BACH2: variants seen among roughly 807,000 people sequenced by gnomAD.
BACH2 encodes the protein BACH transcriptional regulator 2.
A neutral mutation model predicts 61.8 loss-of-function variants in BACH2; 5 were observed. That is an observed-to-expected ratio of 0.08 (90% CI 0.04 to 0.17). The LOEUF is 0.17. Ranked by LOEUF, BACH2 falls within the 10% of genes least tolerant of loss-of-function variation. The probability of loss-of-function intolerance (pLI) is 1.00; values close to 1 mark genes in which losing one functional copy is unlikely to be tolerated. For missense variants in BACH2, 824 were observed against 1,091.1 expected, an observed-to-expected ratio of 0.76 and a Z score of 3.45; for synonymous variants, 446 against 440.1, an observed-to-expected ratio of 1.01 and a Z score of -0.17.
rs117689521 is a variant in BACH2 at position 89,996,205 on chromosome 6, C to T, written c.243+12397G>A. ...GATGGCCTCTTTCACCATCCATGTG[C>T]TCCCTACCCAATTTCTTGGTATCTC... On this transcript the variant is annotated intron_variant, in intron 6 of 8. Coordinates refer to ENST00000257749, the MANE Select transcript of BACH2 (RefSeq NM_021813.4). Among the ~76,000 whole-genome samples, 1,307 of 152,274 alleles carry T rather than the reference C, an allele frequency of 8.6e-3. 21 individuals carry two copies. The highest frequency in any genetic ancestry group is 0.053 in the East Asian group (274 of 5,158).
chr6:90,196,470 ATTGT>A (rs1216380950), intron 4 of BACH2, among the ~76,000 whole-genome samples: 1 of 152,216 alleles, frequency 6.6e-6, no homozygotes, highest in Non-Finnish European at 1.5e-5. Context: ...CAAAATTTCA[ATTGT>A]TTAATATTCC....
chr6:90,207,855 C>T (rs1769203970), intron 3 of BACH2, among the ~76,000 whole-genome samples: 1 of 152,144 alleles, frequency 6.6e-6, no homozygotes, highest in Non-Finnish European at 1.5e-5. Context: ...AATTCCAAAG[C>T]TGTATTCCCC....
intron 2 of BACH2, among the ~76,000 whole-genome samples, chr6:90,267,018 T>C (rs1771357150): frequency 1.3e-5 from 2 of 152,152 alleles, no homozygotes; most frequent in South Asian, 4.1e-4. Flanking sequence ...GTGCCCTTTT[T>C]ACATTACACA....
intron 6 of BACH2, among the ~76,000 whole-genome samples, chr6:89,986,303 G>A (rs1432428473): frequency 6.6e-6 from 1 of 151,546 alleles, no homozygotes; most frequent in Non-Finnish European, 1.5e-5. Flanking sequence ...TAGGGACGCT[G>A]GCCCTGGATC....
intron 4 of BACH2, among the ~76,000 whole-genome samples, chr6:90,120,233 AAG>A (rs1300400995): frequency 6.6e-6 from 1 of 152,180 alleles, no homozygotes; most frequent in Non-Finnish European, 1.5e-5. Context: ...ACATCATAGG[AAG>A]AGGTCCATGA....
At chr6:90,114,942 T>C (rs1783329249) in intron 4 of BACH2, among the ~76,000 whole-genome samples, 1 of 151,630 alleles carries the variant, frequency 6.6e-6, no homozygotes. Flanking sequence ...ACACCAAAAA[T>C]ACCCAGGAAT....
At chr6:90,173,734 T>C (rs1440167842) in intron 4 of BACH2, among the ~76,000 whole-genome samples, 2 of 152,190 alleles carry the variant, frequency 1.3e-5, no homozygotes, top group Non-Finnish European at 2.9e-5. Context: ...GAAATATCTA[T>C]AGCTTTATTG....
chr6:90,088,255 G>GA (rs1782016433), intron 5 of BACH2, among the ~76,000 whole-genome samples: 1 of 152,164 alleles, frequency 6.6e-6, no homozygotes, highest in East Asian at 1.9e-4. Context: ...CAACTCAGGG[G>GA]AAAAAAGATT....
chr6:90,284,594 C>A (rs11752752), intron 1 of BACH2, among the ~76,000 whole-genome samples: 1 of 152,104 alleles, frequency 6.6e-6, no homozygotes, highest in South Asian at 2.1e-4. Flanking sequence ...AGATGCTTAG[C>A]GCAGAGATTT....
chr6:90,288,966 T>C (rs1772104229), intron 1 of BACH2, among the ~76,000 whole-genome samples: 1 of 152,216 alleles, frequency 6.6e-6, no homozygotes, highest in African/African-American at 2.4e-5. Flanking sequence ...ATTTCAGTTA[T>C]ATGCCTAGTA....
In BACH2 at chr6:89,969,585, A is replaced by G. The variant is rs145326204; in HGVS notation, c.244-17723T>C. Among the ~76,000 whole-genome samples the G allele has an allele frequency of 2.3e-3, 344 of 152,276 alleles. 4 individuals are homozygous for G. Among genetic ancestry groups the G allele is most frequent in the Non-Finnish European group, 6.3e-4 (43 of 68,026 alleles). On this transcript the variant is annotated intron_variant, in intron 6 of 8. Transcript: ENST00000257749. ...AGGAGTCAGCCTTTGTCCTTCAAAT[A>G]TTGTGACCCTGACCTTGGCAGCCTC...
At chr6:90,018,229 T>C (rs139450274) in intron 5 of BACH2, among the ~76,000 whole-genome samples, 1 of 152,248 alleles carries the variant, frequency 6.6e-6, no homozygotes, top group Non-Finnish European at 1.5e-5. Context: ...CTCTGCAGAA[T>C]ATTAAAGGGA....
intron 4 of BACH2, among the ~76,000 whole-genome samples, chr6:90,131,074 C>T (rs1784062135): frequency 6.6e-6 from 1 of 152,104 alleles, no homozygotes; most frequent in East Asian, 1.9e-4. Context: ...TATCACCTAC[C>T]CCACCTGACA....
At chr6:90,093,833 A>C (rs1782272128) in intron 4 of BACH2, among the ~76,000 whole-genome samples, 1 of 152,230 alleles carries the variant, frequency 6.6e-6, no homozygotes, top group African/African-American at 2.4e-5. Flanking sequence ...CGAAGACCTC[A>C]CAAAATCTTG....
intron 5 of BACH2, among the ~76,000 whole-genome samples, chr6:90,079,591 G>C (rs890712337): frequency 6.6e-6 from 1 of 152,146 alleles, no homozygotes; most frequent in African/African-American, 2.4e-5. Context: ...GTTGCCTTTT[G>C]CTATTTAAAC....
chr6:90,027,170 G>T (rs932300120), intron 5 of BACH2, among the ~76,000 whole-genome samples: 9 of 152,120 alleles, frequency 5.9e-5, no homozygotes, highest in African/African-American at 1.9e-4. Context: ...TCACCAAGCA[G>T]GAGGTCAAAT....
At chr6:90,142,600 T>C (rs898509214) in intron 4 of BACH2, among the ~76,000 whole-genome samples, 1 of 152,134 alleles carries the variant, frequency 6.6e-6, no homozygotes, top group African/African-American at 2.4e-5. Flanking sequence ...AGGGAGTTGA[T>C]TATAAGATGA....
At chr6:89,997,768 C>T (rs1000448583) in intron 6 of BACH2, among the ~76,000 whole-genome samples, 1 of 152,142 alleles carries the variant, frequency 6.6e-6, no homozygotes, top group Non-Finnish European at 1.5e-5. Flanking sequence ...TTCAAAGTGA[C>T]CCATATAAAC....
At chr6:90,068,941 C>G (rs1257581351) in intron 5 of BACH2, among the ~76,000 whole-genome samples, 2 of 152,184 alleles carry the variant, frequency 1.3e-5, no homozygotes, top group African/African-American at 4.8e-5. Context: ...ACAGCATGTA[C>G]CAGTTTACAC....
Sources: gnomAD v4.1 joint callset for allele counts (sites outside exome capture counted in the v4.1 genomes callset) on GRCh38, gnomAD v4.1.1 for gene constraint, MANE v1.5 for transcripts, NCBI Gene and HGNC (gene_info 2026-07-23, HGNC 2026-07-21) for gene names.